SLC8A3: variants seen among roughly 807,000 people sequenced by gnomAD.
SLC8A3 encodes the protein solute carrier family 8 member A3, also known as sodium/calcium exchanger 3.
SLC8A3 carries 37 observed loss-of-function variants against 65.4 expected under a neutral mutation model. The observed-to-expected ratio is 0.57, with a 90% CI of 0.44 to 0.74. The LOEUF (loss-of-function observed/expected upper bound fraction) is 0.74. SLC8A3 is among the 30% of genes least tolerant of loss of function. The pLI is 0.00. For synonymous variants in SLC8A3, 461 were observed against 444.5 expected, an observed-to-expected ratio of 1.04 and a Z score of -0.47; for missense variants, 1,112 against 1,172.1, an observed-to-expected ratio of 0.95 and a Z score of 0.75.
At chr14:70,180,786 C>T (rs753173904) in intron 1 of SLC8A3, among the ~76,000 whole-genome samples, 7 of 152,156 alleles carry the variant, frequency 4.6e-5, no homozygotes, top group Non-Finnish European at 1.0e-4. Context: ...AGTCATTCTG[C>T]GAATGCCCTA....
At chr14:70,141,545 G>A (rs1308008841) in intron 2 of SLC8A3, among the ~76,000 whole-genome samples, 1 of 152,112 alleles carries the variant, frequency 6.6e-6, no homozygotes, top group Non-Finnish European at 1.5e-5. Flanking sequence ...TAGCAGAAGC[G>A]GGACTGCAAA....
chr14:70,063,936 A>G (rs773934708), intron 2 of SLC8A3: 2 of 1,524,634 alleles, frequency 1.3e-6, no homozygotes, highest in East Asian at 2.3e-5. Context: ...TTTGCTGTGG[A>G]TGGAAAAATA....
At chr14:70,083,515 A>C (rs531066408) in intron 2 of SLC8A3, among the ~76,000 whole-genome samples, 32 of 152,226 alleles carry the variant, frequency 2.1e-4, no homozygotes, top group African/African-American at 7.5e-4. Context: ...GAGACAATTA[A>C]CTCTAGCCCT....
chr14:70,051,904 A>T, intron 4 of SLC8A3, 86 bp downstream of exon 4: 2 of 1,089,412 alleles, frequency 1.8e-6, no homozygotes, highest in Non-Finnish European at 2.7e-6. Context: ...CATATTCACT[A>T]GTGAAAGTGG....
chr14:70,049,107 C>A, intron 5 of SLC8A3, 65 bp from the exon 6 acceptor site: 1 of 1,478,822 alleles, frequency 6.8e-7, no homozygotes, highest in South Asian at 1.3e-5. Context: ...ATGAGAAAGT[C>A]AAGCCCAACC....
intron 2 of SLC8A3, among the ~76,000 whole-genome samples, chr14:70,162,501 A>G (rs1477673767): frequency 6.6e-6 from 1 of 152,192 alleles, no homozygotes; most frequent in Non-Finnish European, 1.5e-5. Context: ...GGCCTGCACT[A>G]TTTAATTATA....
chr14:70,145,115 T>A (rs1895844925), intron 2 of SLC8A3, among the ~76,000 whole-genome samples: 1 of 152,218 alleles, frequency 6.6e-6, no homozygotes, highest in Admixed American at 6.5e-5. Flanking sequence ...TAACTGAGTA[T>A]GAAATGAAAA....
rs547663464 is a variant in SLC8A3, at chr14:70,167,801, C to T, written c.622G>A (p.Ala208Thr). The change falls in exon 2 of 7, where the codon GCT becomes ACT. Residue 208 changes from alanine (A) to threonine (T), a missense_variant. Ala to Thr is a moderately conservative substitution (Grantham distance 58, BLOSUM62 0). Coordinates refer to ENST00000356921, the MANE Select transcript of SLC8A3 (RefSeq NM_182932.3). ...CAGATGTAGGCAAAGATACTCCAAG[C>T]AGCGGTGATGAAGAAGACTCGTAGA... ...KHLRVFFITA[A>T]WSIFAYIWLY... 1 of 1,614,154 alleles carries T rather than the reference C, an allele frequency of 6.2e-7. No individual in the cohort carries two copies. The highest frequency in any genetic ancestry group is 2.2e-5 in the East Asian group (1 of 44,880).
chr14:70,140,470 T>C (rs1221136246), intron 2 of SLC8A3, among the ~76,000 whole-genome samples: 1 of 152,180 alleles, frequency 6.6e-6, no homozygotes, highest in Non-Finnish European at 1.5e-5. Context: ...CCTCTCCCCT[T>C]CCTCTCTGCA....
intron 2 of SLC8A3, among the ~76,000 whole-genome samples, chr14:70,103,082 T>C (rs1344743048): frequency 2.0e-5 from 3 of 152,022 alleles, no homozygotes; most frequent in Non-Finnish European, 4.4e-5. Context: ...ATACATTGTG[T>C]ATAGAGAAAG....
chr14:70,180,518 G>A (rs1882657834), intron 1 of SLC8A3, among the ~76,000 whole-genome samples: 1 of 152,190 alleles, frequency 6.6e-6, no homozygotes, highest in Non-Finnish European at 1.5e-5. Context: ...CCTTGAGGTT[G>A]ATTCCTCTAT....
intron 2 of SLC8A3, 39 bp from the exon 3 acceptor site, chr14:70,060,978 C>A (rs376980062): frequency 3.1e-6 from 3 of 956,224 alleles, no homozygotes; most frequent in South Asian, 1.6e-5. Flanking sequence ...TCGACTGGGT[C>A]GGTAGATTGG....
chr14:70,068,983 G>A, intron 2 of SLC8A3, among the ~76,000 whole-genome samples: 1 of 152,186 alleles, frequency 6.6e-6, no homozygotes, highest in South Asian at 2.1e-4. Flanking sequence ...CTTCCAAGGT[G>A]CTGGGATTAT....
At chr14:70,054,621 C>A (rs976008999) in intron 3 of SLC8A3, among the ~76,000 whole-genome samples, 19 of 151,786 alleles carry the variant, frequency 1.3e-4, no homozygotes, top group Non-Finnish European at 2.5e-4. Flanking sequence ...AAATCAATAC[C>A]CTGGGAGAAG....
intron 2 of SLC8A3, among the ~76,000 whole-genome samples, chr14:70,076,032 C>T (rs909379438): frequency 3.3e-5 from 5 of 152,290 alleles, no homozygotes; most frequent in African/African-American, 1.2e-4. Flanking sequence ...AAAGCCTGAC[C>T]TTGATGCCCC....
intron 2 of SLC8A3, among the ~76,000 whole-genome samples, chr14:70,081,517 T>C (rs747688750): frequency 4.6e-5 from 7 of 152,164 alleles, no homozygotes; most frequent in African/African-American, 7.2e-5. Flanking sequence ...TCTTGTGAAG[T>C]TTTCCAACTG....
At chr14:70,150,438 A>T (rs1462992826) in intron 2 of SLC8A3, among the ~76,000 whole-genome samples, 3 of 152,158 alleles carry the variant, frequency 2.0e-5, no homozygotes, top group Non-Finnish European at 4.4e-5. Context: ...CGCTGCTTTC[A>T]CACTTCTGTT....
intron 2 of SLC8A3, among the ~76,000 whole-genome samples, chr14:70,146,215 A>G (rs1221530752): frequency 6.6e-6 from 1 of 152,192 alleles, no homozygotes; most frequent in South Asian, 2.1e-4. Flanking sequence ...GGTAATTGAC[A>G]TTACAGTGGA....
intron 2 of SLC8A3, among the ~76,000 whole-genome samples, chr14:70,151,417 CA>C (rs1896270800): frequency 6.6e-6 from 1 of 152,162 alleles, no homozygotes; most frequent in African/African-American, 2.4e-5. Flanking sequence ...CATCTACTTG[CA>C]AACAGGAATT....
Sources: allele counts gnomAD v4.1 joint callset (sites outside exome capture counted in the v4.1 genomes callset), GRCh38; gene constraint gnomAD v4.1.1; transcripts MANE v1.5; gene names NCBI Gene and HGNC (gene_info 2026-07-23, HGNC 2026-07-21).